Variants in VWC2 observed in about 807,000 individuals in gnomAD.
VWC2 encodes the protein brorin.
In VWC2, 14 loss-of-function variants were observed where a neutral mutation model predicts 29.8. The observed-to-expected ratio is 0.47, with a 90% CI of 0.31 to 0.74. The LOEUF (loss-of-function observed/expected upper bound fraction) is 0.74, where lower values mean the gene tolerates loss of function less well. Ranked by LOEUF, VWC2 falls within the 30% of genes least tolerant of loss-of-function variation. The probability of loss-of-function intolerance (pLI) is 0.05; values close to 1 mark genes in which losing one functional copy is unlikely to be tolerated. For missense variants in VWC2, 457 were observed against 459.8 expected, an observed-to-expected ratio of 0.99 and a Z score of 0.05; for synonymous variants, 213 against 199.0, an observed-to-expected ratio of 1.07 and a Z score of -0.59.
chr7:49,907,879 G>T (rs1400146321), intron 3 of VWC2, among the ~76,000 whole-genome samples: 1 of 152,118 alleles, frequency 6.6e-6, no homozygotes, highest in Non-Finnish European at 1.5e-5. Context: ...CCATAGTTTT[G>T]TCATGCAGAT....
chr7:49,801,285 A>G lies in VWC2; in HGVS notation c.697-1426A>G, dbSNP rs147029946. 1.6e-4 allele frequency among the ~76,000 whole-genome samples: 24 copies of G among 152,350 alleles called. No individual in the cohort carries two copies. In the East Asian group the frequency reaches 4.2e-3, roughly 27 times the overall value. ...TCATGGACGTGGGGCACACAACTCA[A>G]CTGGGGTCTCCCTGCCCCTGGCAAA... On this transcript the variant is annotated intron_variant, in intron 2 of 3. Transcript: ENST00000340652.
chr7:49,799,682 A>G (rs1162080073), intron 2 of VWC2, among the ~76,000 whole-genome samples: 2 of 152,252 alleles, frequency 1.3e-5, no homozygotes, highest in African/African-American at 4.8e-5. Flanking sequence ...ACTAAATGAC[A>G]GGGAAGCATT....
intron 3 of VWC2, among the ~76,000 whole-genome samples, chr7:49,860,673 C>A (rs572960849): frequency 6.6e-6 from 1 of 152,262 alleles, no homozygotes; most frequent in East Asian, 1.9e-4. Context: ...TGAATTATTT[C>A]CCCCAAAATT....
At chr7:49,806,097 CA>C (rs376622187) in intron 3 of VWC2, among the ~76,000 whole-genome samples, 50 of 149,674 alleles carry the variant, frequency 3.3e-4, no homozygotes, top group African/African-American at 1.2e-3. Context: ...TTTTAAATTC[CA>C]CCCCCCCACA....
intron 3 of VWC2, among the ~76,000 whole-genome samples, chr7:49,862,572 C>T (rs1037626457): frequency 3.8e-4 from 58 of 151,996 alleles, no homozygotes; most frequent in Admixed American, 2.6e-4. Flanking sequence ...CATTATTTCA[C>T]CATTGAGTAA....
Position 49,919,771 on chromosome 7 carries a change from C to T in VWC2, c.*7586C>T, listed in dbSNP as rs559769667. On this transcript the variant is annotated 3_prime_UTR_variant, in exon 4 of 4. Coordinates refer to ENST00000340652, the MANE Select transcript of VWC2 (RefSeq NM_198570.5). Reference sequence around the variant, plus strand: ...ACTCATCCCCAGGGGGCTCAGCTGCCACCGGCCAGGTCTATCTATTGCTCC... The same window carrying T: ...ACTCATCCCCAGGGGGCTCAGCTGCTACCGGCCAGGTCTATCTATTGCTCC... 3 of 152,440 alleles carry T rather than the reference C, an allele frequency of 2.0e-5. No individual in the cohort carries two copies. Among genetic ancestry groups the T allele is most frequent in the South Asian group, 4.1e-4 (2 of 4,830 alleles). The allele number at this position is 152,440 out of a possible 1,614,324, so 9.4% of individuals were successfully genotyped here. A position where few individuals can be genotyped will look rare whatever the true frequency, so the allele number is the denominator to read the frequency against.
intron 3 of VWC2, among the ~76,000 whole-genome samples, chr7:49,873,182 G>A (rs552496268): frequency 8.5e-5 from 13 of 152,216 alleles, no homozygotes; most frequent in African/African-American, 3.1e-4. Flanking sequence ...GTCTGTTCGG[G>A]CTGCTATAAC....
intron 3 of VWC2, among the ~76,000 whole-genome samples, chr7:49,911,206 G>A (rs112660588): frequency 5.9e-5 from 9 of 152,208 alleles, no homozygotes; most frequent in Admixed American, 2.6e-4. Context: ...TAAATGGGCT[G>A]GGAGCGGTGG....
At chr7:49,874,287 T>G (rs540750807) in intron 3 of VWC2, among the ~76,000 whole-genome samples, 1 of 152,268 alleles carries the variant, frequency 6.6e-6, no homozygotes, top group Non-Finnish European at 1.5e-5. Context: ...ATTTTTACTC[T>G]ACCTTTTCTA....
At chr7:49,891,997 CA>C (rs1178365361) in intron 3 of VWC2, among the ~76,000 whole-genome samples, 1 of 147,310 alleles carries the variant, frequency 6.8e-6, no homozygotes, top group African/African-American at 2.5e-5. Flanking sequence ...AAATTATAAC[CA>C]AAAGAATGCA....
intron 3 of VWC2, among the ~76,000 whole-genome samples, chr7:49,902,554 C>CA (rs34786165): frequency 0.34 from 35,816 of 106,376 alleles, 5,510 homozygotes; most frequent in Middle Eastern, 0.45. Context: ...TATCCGTAGC[C>CA]AAAAAAAAAA....
At chr7:49,839,868 T>C (rs1361842404) in intron 3 of VWC2, among the ~76,000 whole-genome samples, 1 of 152,232 alleles carries the variant, frequency 6.6e-6, no homozygotes, top group African/African-American at 2.4e-5. Flanking sequence ...GTTAGAAGCA[T>C]TCAAAGAAGA....
intron 3 of VWC2, among the ~76,000 whole-genome samples, chr7:49,841,415 A>C (rs889436400): frequency 6.6e-6 from 1 of 152,192 alleles, no homozygotes; most frequent in Non-Finnish European, 1.5e-5. Context: ...ATAGTGGAGG[A>C]ATTAAATGAA....
At chr7:49,837,643 T>A (rs1789694426) in intron 3 of VWC2, among the ~76,000 whole-genome samples, 1 of 152,162 alleles carries the variant, frequency 6.6e-6, no homozygotes, top group Non-Finnish European at 1.5e-5. Context: ...AATTTTAAAG[T>A]TATGAGATTT....
chr7:49,799,157 C>T (rs1788674336), intron 2 of VWC2, among the ~76,000 whole-genome samples: 1 of 152,154 alleles, frequency 6.6e-6, no homozygotes, highest in African/African-American at 2.4e-5. Context: ...TGATCAGGGC[C>T]CAACACTGGC....
At chr7:49,910,152 G>GGA (rs1793329950) in intron 3 of VWC2, among the ~76,000 whole-genome samples, 1 of 152,052 alleles carries the variant, frequency 6.6e-6, no homozygotes, top group South Asian at 2.1e-4. Flanking sequence ...GTTCAGGGAG[G>GGA]GAGAAGGGGG....
chr7:49,884,666 G>C (rs1279812024), intron 3 of VWC2, among the ~76,000 whole-genome samples: 1 of 152,160 alleles, frequency 6.6e-6, no homozygotes, highest in Non-Finnish European at 1.5e-5. Flanking sequence ...TTCCTCAGGA[G>C]AGCAGGACCT....
chr7:49,892,058 T>C (rs1274688371), intron 3 of VWC2, among the ~76,000 whole-genome samples: 1 of 139,964 alleles, frequency 7.1e-6, no homozygotes, highest in Non-Finnish European at 1.5e-5. Flanking sequence ...TTTTTTTTTT[T>C]TTTTGAGACG....
chr7:49,827,649 A>T, intron 3 of VWC2, among the ~76,000 whole-genome samples: 1 of 152,182 alleles, frequency 6.6e-6, no homozygotes, highest in Middle Eastern at 3.4e-3. Flanking sequence ...GTTATACTGT[A>T]TTAATAATAA....
Sources: allele counts gnomAD v4.1 joint callset (sites outside exome capture counted in the v4.1 genomes callset), GRCh38; gene constraint gnomAD v4.1.1; transcripts MANE v1.5; gene names NCBI Gene and HGNC (gene_info 2026-07-23, HGNC 2026-07-21).